Variants in KCTD1 observed in about 807,000 individuals in gnomAD.
KCTD1 encodes the protein BTB/POZ domain-containing protein KCTD1.
In KCTD1, 24 loss-of-function variants were observed where a neutral mutation model predicts 66.0. The ratio of observed to expected loss-of-function variants is 0.36; its 90% CI spans 0.26 to 0.51. KCTD1 has a LOEUF of 0.51. Among genes scored for constraint, KCTD1 ranks in the 20% least tolerant of loss-of-function variants. The pLI is 0.95. For missense variants in KCTD1, 943 were observed against 1,205.2 expected, an observed-to-expected ratio of 0.78 and a Z score of 3.22; for synonymous variants, 511 against 517.2, an observed-to-expected ratio of 0.99 and a Z score of 0.16.
At chr18:26,656,898 G>C (rs1344645586) in intron 1 of KCTD1, among the ~76,000 whole-genome samples, 2 of 149,368 alleles carry the variant, frequency 1.3e-5, no homozygotes, top group Non-Finnish European at 3.0e-5. Flanking sequence ...GGGGAGGAGG[G>C]AGGGGCTCGG....
At chr18:26,500,802 T>C (rs183807280) in intron 2 of KCTD1, among the ~76,000 whole-genome samples, 9 of 152,182 alleles carry the variant, frequency 5.9e-5, no homozygotes, top group African/African-American at 9.6e-5. Flanking sequence ...ACATTGAGAA[T>C]TATGAATATC....
chr18:26,546,849 A>G lies in KCTD1; in HGVS notation c.1688T>C (p.Val563Ala). Reference protein sequence around the residue: ...KRLCIRPSEPVDAVVVVSVKH... With the variant: ...KRLCIRPSEPADAVVVVSVKH... ...CACGGAAACCACCACCACCGCATCC[A>G]CAGGCTCCGAGGGGCGGATACAAAG... The change falls in exon 1 of 5, where the codon GTG becomes GCG. Residue 563 changes from valine (V) to alanine (A), a missense_variant. This residue lies in a region of KCTD1 where 197 missense variants were observed against 182.7 expected (regional missense o/e 1.08). Coordinates refer to ENST00000580059, the MANE Select transcript of KCTD1 (RefSeq NM_001142730.3). 1 of 1,519,730 alleles carries G rather than the reference A, an allele frequency of 6.6e-7. No homozygotes were observed. The highest frequency in any genetic ancestry group is 8.8e-7 in the Non-Finnish European group (1 of 1,134,240). The allele number at this position is 1,519,730 out of a possible 1,614,324, so 94.1% of individuals were successfully genotyped here.
intron 1 of KCTD1, among the ~76,000 whole-genome samples, chr18:26,614,906 C>T (rs771220429): frequency 1.1e-4 from 16 of 152,190 alleles, no homozygotes; most frequent in Non-Finnish European, 2.9e-5. Flanking sequence ...TACTTAGTAG[C>T]TTTCACTAAC....
At chr18:26,535,915 AG>A (rs2144792516) in intron 1 of KCTD1, among the ~76,000 whole-genome samples, 2 of 144,910 alleles carry the variant, frequency 1.4e-5, no homozygotes, top group East Asian at 4.1e-4. Flanking sequence ...TCAAACAGTC[AG>A]GGTTTATTCA....
At chr18:26,484,717 T>A (rs1167365081) in intron 2 of KCTD1, among the ~76,000 whole-genome samples, 1 of 152,160 alleles carries the variant, frequency 6.6e-6, no homozygotes, top group Non-Finnish European at 1.5e-5. Context: ...AAACTGGGCA[T>A]GATATGGTCC....
intron 1 of KCTD1, among the ~76,000 whole-genome samples, chr18:26,541,150 G>A (rs888044459): frequency 5.3e-5 from 8 of 152,128 alleles, no homozygotes; most frequent in Non-Finnish European, 7.3e-5. Context: ...CTCATCACTA[G>A]AGGCCTGCAC....
rs551109071 is a variant in KCTD1 at position 26,506,892 on chromosome 18, G to A, written c.1810-5642C>T. On this transcript the variant is annotated intron_variant, in intron 1 of 4. Transcript: ENST00000580059. ...ATTTAAATTTTAATTTAGGCCAGGC[G>A]TGGTGGCTCACGCCTGTAATTCCAG... is the stretch of plus-strand genomic sequence containing the variant. Among the ~76,000 whole-genome samples, 138 of 152,310 alleles carry A rather than the reference G, an allele frequency of 9.1e-4. 1 individual carries two copies. The highest frequency in any genetic ancestry group is 3.1e-3 in the African/African-American group (127 of 41,564).
Position 26,548,248 on chromosome 18 carries a change from TCTCCTCCTCTTC to T in KCTD1, c.277_288del (p.Glu93_Glu96del). 6.6e-7 allele frequency: 1 copy of T among 1,511,784 alleles called. No individual in the cohort carries two copies. The highest frequency in any genetic ancestry group is 1.2e-5 in the South Asian group (1 of 80,986). The allele number at this position is 1,511,784 out of a possible 1,614,324, so 93.6% of individuals were successfully genotyped here. A position where few individuals can be genotyped will look rare whatever the true frequency, so the allele number is the denominator to read the frequency against. Reference sequence around the variant, plus strand: ...AGGGGCTCGTCCCAGTCCAGCCCCATCTCCTCCTCTTCCTCCTCCTCCTCGTCCTCCTCCAGC... The same window carrying T: ...AGGGGCTCGTCCCAGTCCAGCCCCATCTCCTCCTCCTCGTCCTCCTCCAGC... On this transcript the variant is annotated inframe_deletion, in exon 1 of 5. Transcript: ENST00000580059.
chr18:26,615,504 T>C (rs1478703529), intron 1 of KCTD1, among the ~76,000 whole-genome samples: 1 of 152,188 alleles, frequency 6.6e-6, no homozygotes, highest in Non-Finnish European at 1.5e-5. Context: ...AGATCTCTTA[T>C]GAGAAGAGTG....
At chr18:26,619,691 T>C (rs773562205) in intron 1 of KCTD1, among the ~76,000 whole-genome samples, 13 of 152,182 alleles carry the variant, frequency 8.5e-5, no homozygotes, top group Non-Finnish European at 1.8e-4. Flanking sequence ...CTGCCGGCAG[T>C]GCGGGCTTGT....
At chr18:26,580,442 A>T (rs1201133500) in intron 1 of KCTD1, among the ~76,000 whole-genome samples, 1 of 152,144 alleles carries the variant, frequency 6.6e-6, no homozygotes, top group African/African-American at 2.4e-5. Flanking sequence ...AATTCTGATA[A>T]GGACAGGGCA....
chr18:26,623,554 A>C (rs1402123821), intron 1 of KCTD1, among the ~76,000 whole-genome samples: 2 of 152,200 alleles, frequency 1.3e-5, no homozygotes, highest in African/African-American at 4.8e-5. Flanking sequence ...CATGTGAAGA[A>C]GGACATGTTT....
At chr18:26,620,138 G>T (rs1344797759) in intron 1 of KCTD1, among the ~76,000 whole-genome samples, 1 of 151,920 alleles carries the variant, frequency 6.6e-6, no homozygotes, top group Non-Finnish European at 1.5e-5. Flanking sequence ...CTCATAATCA[G>T]ACCTTAACAC....
intron 4 of KCTD1, chr18:26,457,256 T>A (rs886556227): frequency 2.0e-5 from 3 of 152,266 alleles, no homozygotes; most frequent in African/African-American, 7.2e-5. Context: ...TGCATACCTG[T>A]CAGCATAAGG....
intron 2 of KCTD1, among the ~76,000 whole-genome samples, chr18:26,477,220 A>G (rs917940447): frequency 1.3e-5 from 2 of 152,218 alleles, no homozygotes; most frequent in African/African-American, 4.8e-5. Flanking sequence ...TATACACTAC[A>G]GTTTCTTAGG....
intron 1 of KCTD1, chr18:26,581,242 G>A (rs1986346149): frequency 6.6e-6 from 1 of 152,136 alleles, no homozygotes; most frequent in Non-Finnish European, 1.5e-5. Context: ...ACCTGTGTCT[G>A]TTTTGTACAT....
rs1376693914 is a variant in KCTD1, at chr18:26,548,363, C to T, written c.174G>A (p.Glu58=). 7 of 1,407,340 alleles carry T rather than the reference C, an allele frequency of 5.0e-6. No individual in the cohort carries two copies. The Admixed American group carries it at 6.9e-5, about 14-fold the overall frequency. 87.2% of individuals were successfully genotyped at this position (1,407,340 alleles called of 1,614,324 possible). The change falls in exon 1 of 5, where the codon GAG becomes GAA. Residue 58 remains glutamate (E), a synonymous_variant. Transcript: ENST00000580059. ...PHYCSAGEEE[E]EEEEEDEIQE... is the part of the protein sequence containing the mutation. ...GGATCTCGTCCTCCTCCTCCTCTTC[C>T]TCCTCCTCCTCGCCCGCGCTGCAGT...
At chr18:26,651,519 C>A (rs2145080201) in intron 1 of KCTD1, among the ~76,000 whole-genome samples, 1 of 152,206 alleles carries the variant, frequency 6.6e-6, no homozygotes. Flanking sequence ...TGTGGTGGCT[C>A]ACACCTGTAA....
intron 1 of KCTD1, among the ~76,000 whole-genome samples, chr18:26,622,366 A>G (rs1328823169): frequency 6.6e-6 from 1 of 152,114 alleles, no homozygotes; most frequent in Admixed American, 6.5e-5. Context: ...TTGTATCTCC[A>G]TTTGGATATC....
Sources: gnomAD v4.1 joint callset for allele counts (sites outside exome capture counted in the v4.1 genomes callset) on GRCh38, gnomAD v4.1.1 for gene constraint, gnomAD v4.1.1 regional missense constraint, MANE v1.5 for transcripts, NCBI Gene and HGNC (gene_info 2026-07-23, HGNC 2026-07-21) for gene names.